PPP4R1: variants seen among roughly 807,000 people sequenced by gnomAD.
PPP4R1 encodes serine/threonine-protein phosphatase 4 regulatory subunit 1.
PPP4R1 carries 42 observed loss-of-function variants against 111.2 expected under a neutral mutation model. The ratio of observed to expected loss-of-function variants is 0.38; its 90% CI spans 0.29 to 0.49. PPP4R1 has a LOEUF of 0.49. PPP4R1 is among the 20% of genes least tolerant of loss of function. The pLI is 0.97. For missense variants in PPP4R1, 1,012 were observed against 1,161.6 expected (o/e 0.87, Z 1.87); for synonymous variants, 409 against 405.5 (o/e 1.01, Z -0.10).
upstream of PPP4R1, chr18:9,614,594 G>A (rs2067658309): frequency 1.4e-6 from 1 of 701,462 alleles, no homozygotes; most frequent in Non-Finnish European, 1.7e-6. This position sits in a 1 kb window ranked among gnomAD's most constrained non-coding sequence, Gnocchi z 4.1. Flanking sequence ...GGAGGAGGAG[G>A]GCCGGGCTGG....
chr18:9,549,126 C>G, intron 19 of PPP4R1, 71 bp downstream of exon 19: 1 of 1,533,872 alleles, frequency 6.5e-7, no homozygotes, highest in Non-Finnish European at 9.0e-7. Flanking sequence ...GCTTTGATAT[C>G]TGCTGATCCA....
chr18:9,578,998 T>C (rs934266217), intron 9 of PPP4R1, among the ~76,000 whole-genome samples: 5 of 152,196 alleles, frequency 3.3e-5, no homozygotes. Flanking sequence ...AAGTTTAATG[T>C]GGAGGAGAGA....
chr18:9,601,057 C>T (rs970432982), intron 2 of PPP4R1, among the ~76,000 whole-genome samples: 1 of 152,026 alleles, frequency 6.6e-6, no homozygotes, highest in Non-Finnish European at 1.5e-5. Context: ...AGCAATAGCC[C>T]TATACTGTTC....
intron 2 of PPP4R1, among the ~76,000 whole-genome samples, chr18:9,610,868 A>T (rs1426130490): frequency 1.6e-4 from 2 of 12,716 alleles, no homozygotes; most frequent in Non-Finnish European, 3.0e-4. Flanking sequence ...AATTATGTGT[A>T]CACACACACA....
Position 9,550,364 on chromosome 18 carries a change from T to C in PPP4R1, c.2326A>G (p.Arg776Gly). ...LILLLELYSPRDVYDYLRPIA... is the reference protein window; with the variant it reads ...LILLLELYSPGDVYDYLRPIA... The stretch of plus-strand genomic sequence containing the variant: ...GGACGTAAATAGTCATAAACATCTC[T>C]GGGACTATATAACTCTAGAAGTAAA... The change falls in exon 17 of 20, where the codon AGA (arginine) becomes GGA (glycine). Residue 776 changes from arginine to glycine, a missense_variant. Arg to Gly is a moderately radical substitution (Grantham distance 125). Transcript: ENST00000400556. 6.2e-7 allele frequency: 1 copy of C among 1,605,016 alleles called. No individual in the cohort carries two copies. Among genetic ancestry groups the C allele is most frequent in the Non-Finnish European group, 8.5e-7 (1 of 1,171,914 alleles).
chr18:9,611,246 G>A (rs187360182), intron 2 of PPP4R1, among the ~76,000 whole-genome samples: 18 of 152,278 alleles, frequency 1.2e-4, no homozygotes, highest in Admixed American at 9.8e-4. Context: ...GGCTGAAGTA[G>A]TAGGACTTGT....
chr18:9,558,097 A>G (rs770201683), intron 14 of PPP4R1, among the ~76,000 whole-genome samples: 11 of 152,220 alleles, frequency 7.2e-5, no homozygotes, highest in Non-Finnish European at 1.6e-4. Context: ...CCTTTTCTCC[A>G]TGGTGCCTTA....
chr18:9,584,929 G>C lies in PPP4R1; in HGVS notation c.586-101C>G, dbSNP rs1000221050. On this transcript the variant is annotated intron_variant, in intron 6 of 19. Transcript: ENST00000400556. The stretch of plus-strand genomic sequence containing the variant: ...TATAATTTGAGGAAACATAAAATAT[G>C]ATATGGCATCATTATACTATATACA... 5.3e-6 allele frequency: 5 copies of C among 941,936 alleles called. No individual in the cohort carries two copies. In the African/African-American group the frequency reaches 8.3e-5, roughly 16 times the overall value. The allele number at this position is 941,936 out of a possible 1,614,324, so 58.3% of individuals were successfully genotyped here.
At chr18:9,562,114 C>T (rs2066688812) in intron 12 of PPP4R1, 39 bp from the exon 13 acceptor site, 18 of 1,444,006 alleles carry the variant, frequency 1.2e-5, no homozygotes, top group Non-Finnish European at 1.7e-5. Context: ...GCTGTCCTGT[C>T]TGTACATCTT....
chr18:9,594,879 G>A (rs1275666), intron 3 of PPP4R1, 139 bp downstream of exon 3: 806,668 of 1,017,732 alleles, frequency 0.79, 321,357 homozygotes, highest in African/African-American at 0.81. Context: ...TGCTCATGCT[G>A]TGATTATGAA....
At chr18:9,548,062 C>G in intron 19 of PPP4R1, 110 bp from the exon 20 acceptor site, 1 of 1,098,000 alleles carries the variant, frequency 9.1e-7, no homozygotes, top group Non-Finnish European at 1.3e-6. Context: ...CAAGTACAAA[C>G]AAGCCACACT....
chr18:9,554,517 C>A (rs187402486), intron 15 of PPP4R1, among the ~76,000 whole-genome samples: 1 of 151,778 alleles, frequency 6.6e-6, no homozygotes, highest in Non-Finnish European at 1.5e-5. Context: ...AGAGAGAAAA[C>A]GGTATTGAAT....
At chr18:9,610,689 G>A (rs978631998) in intron 2 of PPP4R1, among the ~76,000 whole-genome samples, 5 of 151,956 alleles carry the variant, frequency 3.3e-5, no homozygotes, top group African/African-American at 4.8e-5. Context: ...TCGATCTCCT[G>A]ACCTCGTGAT....
intron 2 of PPP4R1, among the ~76,000 whole-genome samples, chr18:9,610,696 T>C (rs2067563595): frequency 6.6e-6 from 1 of 152,148 alleles, no homozygotes; most frequent in Non-Finnish European, 1.5e-5. Flanking sequence ...CCTGACCTCG[T>C]GATCCGCCCA....
intron 8 of PPP4R1, among the ~76,000 whole-genome samples, chr18:9,584,247 A>C (rs1474946664): frequency 6.6e-6 from 1 of 152,246 alleles, no homozygotes; most frequent in East Asian, 1.9e-4. Context: ...GTTCAATTGA[A>C]TAAGTAAGAA....
chr18:9,556,223 T>C (rs2066581511), intron 15 of PPP4R1, among the ~76,000 whole-genome samples: 1 of 150,994 alleles, frequency 6.6e-6, no homozygotes, highest in Admixed American at 6.6e-5. Context: ...AGATGGAGTC[T>C]TGCTCTGTCC....
At position 9,547,797 on chromosome 18, in the gene PPP4R1, T is replaced by C; in HGVS notation, c.2845A>G (p.Thr949Ala). The C allele has an allele frequency of 6.2e-7, 1 of 1,612,522 alleles. No homozygotes were observed. The highest frequency in any genetic ancestry group is 8.5e-7 in the Non-Finnish European group (1 of 1,179,824). The change falls in exon 20 of 20, where the codon ACC (threonine) becomes GCC (alanine). Residue 949 changes from threonine to alanine, a missense_variant. Physicochemically the swap from Thr to Ala is moderately conservative, Grantham distance 58 (BLOSUM62 0). Coordinates refer to ENST00000400556, the MANE Select transcript of PPP4R1 (RefSeq NM_001042388.3). ...SEDAMSTASS[T>A]Y ...ACCGAGATTCAAGCCTTCTAGTAGG[T>C]TGAGGACGCTGTGCTCATGGCATCT...
intron 2 of PPP4R1, among the ~76,000 whole-genome samples, chr18:9,600,803 T>C (rs2067368884): frequency 6.6e-6 from 1 of 151,948 alleles, no homozygotes; most frequent in South Asian, 2.1e-4. Context: ...ATCACTTGAG[T>C]ACGGGAGGCA....
At chr18:9,550,703 C>T (rs2066475441) in intron 16 of PPP4R1, 1 of 274,364 alleles carries the variant, frequency 3.6e-6, no homozygotes. Flanking sequence ...ACATGGCCCA[C>T]ACTGATCCAT....
Sources: gnomAD v4.1 joint callset for allele counts (sites outside exome capture counted in the v4.1 genomes callset) on GRCh38, gnomAD v4.1.1 for gene constraint, Gnocchi (gnomAD v3.1) non-coding constraint, MANE v1.5 for transcripts, NCBI Gene and HGNC (gene_info 2026-07-23, HGNC 2026-07-21) for gene names.